Variants in ZSWIM3 observed in about 807,000 individuals in gnomAD.
ZSWIM3 encodes zinc finger SWIM-type containing 3, also known as zinc finger SWIM domain-containing protein 3.
Under a neutral mutation model 47.5 loss-of-function variants are expected in ZSWIM3, and 27 were observed. The ratio of observed to expected loss-of-function variants is 0.57; its 90% CI spans 0.42 to 0.78. The LOEUF is 0.78. Ranked by LOEUF, ZSWIM3 falls within the 30% of genes least tolerant of loss-of-function variation. The probability of loss-of-function intolerance (pLI) is 0.00; values close to 1 mark genes in which losing one functional copy is unlikely to be tolerated. For synonymous variants in ZSWIM3, 333 were observed against 333.9 expected (o/e 1.00, Z 0.03); for missense variants, 689 against 861.3 (o/e 0.80, Z 2.50).
chr20:45,859,597 T>C (rs1250152322), intron 1 of ZSWIM3, among the ~76,000 whole-genome samples: 1 of 151,782 alleles, frequency 6.6e-6, no homozygotes, highest in Non-Finnish European at 1.5e-5. Context: ...TGACCAGAAG[T>C]TGCTGTGCAG....
chr20:45,866,681 G>T (rs1985850182), intron 1 of ZSWIM3, among the ~76,000 whole-genome samples: 1 of 151,594 alleles, frequency 6.6e-6, no homozygotes, highest in African/African-American at 2.4e-5. Flanking sequence ...ATGTTCTTGT[G>T]GTCCCAGCTA....
chr20:45,867,595 C>T (rs951680749), intron 1 of ZSWIM3, among the ~76,000 whole-genome samples: 11 of 152,120 alleles, frequency 7.2e-5, no homozygotes, highest in African/African-American at 1.7e-4. Context: ...TCTTAAATTC[C>T]GGCTATGTGG....
At chr20:45,874,503 C>A (rs1181364767) in intron 1 of ZSWIM3, among the ~76,000 whole-genome samples, 1 of 152,128 alleles carries the variant, frequency 6.6e-6, no homozygotes, top group Non-Finnish European at 1.5e-5. Context: ...CAGAGTGAGA[C>A]TTTAATTTCA....
At chr20:45,861,494 G>A (rs964821457) in intron 1 of ZSWIM3, among the ~76,000 whole-genome samples, 33 of 152,194 alleles carry the variant, frequency 2.2e-4, no homozygotes, top group African/African-American at 7.7e-4. Flanking sequence ...GAGGAGACCT[G>A]CTTAGCTAGA....
Position 45,857,862 on chromosome 20 carries a change from T to C in ZSWIM3, c.37T>C (p.Phe13Leu). The change falls in exon 1 of 2, where the codon TTC becomes CTC. Residue 13 changes from phenylalanine to leucine, a missense_variant. Physicochemically the swap from Phe to Leu is conservative, Grantham distance 22 (BLOSUM62 0). Transcript: ENST00000255152. Reference protein sequence around the residue: ...LGSCFKTYEDFKECFSAYKRE... With the variant: ...LGSCFKTYEDLKECFSAYKRE... The stretch of plus-strand genomic sequence containing the variant: ...CAGCTGCTTCAAGACCTATGAGGAC[T>C]TCAAGGAGTGCTTCAGCGCCTACAA... 1 of 1,614,142 alleles carries C rather than the reference T, an allele frequency of 6.2e-7. No individual in the cohort carries two copies. Among genetic ancestry groups the C allele is most frequent in the Non-Finnish European group, 8.5e-7 (1 of 1,180,002 alleles).
intron 1 of ZSWIM3, among the ~76,000 whole-genome samples, chr20:45,859,816 A>AAAAAAAAAAAAAAAAC (rs146830909): frequency 3.1e-5 from 4 of 129,304 alleles, no homozygotes; most frequent in Admixed American, 9.0e-5. Flanking sequence ...AAAAAAAAAA[A>AAAAAAAAAAAAAAAAC]CCACAGTTGC....
rs143983594 is a variant in ZSWIM3 at position 45,867,001 on chromosome 20, A to ATTTTTT, written c.155+9021_155+9022insTTTTTT. Among the ~76,000 whole-genome samples the ATTTTTT allele has an allele frequency of 5.6e-4, 73 of 131,224 alleles. 4 individuals carry two copies. Among genetic ancestry groups the ATTTTTT allele is most frequent in the African/African-American group, 1.5e-3 (55 of 36,694 alleles). The allele number at this position is 131,224 out of a possible 152,430, so 86.1% of individuals were successfully genotyped here. On this transcript the variant is annotated intron_variant, in intron 1 of 1. Coordinates refer to ENST00000255152, the MANE Select transcript of ZSWIM3 (RefSeq NM_080752.4). The stretch of plus-strand genomic sequence containing the variant: ...AAAAATAAAATCAGATCAAGTTAGA[A>ATTTTTT]ATTTTTTTTTTTTTTTTTTTTTGAG...
chr20:45,878,234 T>C lies in ZSWIM3; in HGVS notation c.1676T>C (p.Leu559Pro). The change falls in exon 2 of 2, where the codon CTG becomes CCG. Residue 559 changes from leucine to proline, a missense_variant. Transcript: ENST00000255152. Reference sequence around the variant, plus strand: ...TGTTCCTTTCAACAATGGTACCACCTGCCATGCCGACACATTTTGGCTCTG... The same window carrying C: ...TGTTCCTTTCAACAATGGTACCACCCGCCATGCCGACACATTTTGGCTCTG... ...CSCSFQQWYHLPCRHILALLH... is the reference protein window; with the variant it reads ...CSCSFQQWYHPPCRHILALLH... The C allele has an allele frequency of 6.2e-7, 1 of 1,614,220 alleles. No homozygotes were observed. The highest frequency in any genetic ancestry group is 1.1e-5 in the South Asian group (1 of 91,084).
intron 1 of ZSWIM3, among the ~76,000 whole-genome samples, chr20:45,869,049 G>A (rs571912420): frequency 1.1e-4 from 16 of 151,932 alleles, no homozygotes; most frequent in African/African-American, 2.7e-4. Context: ...TGATCCACCC[G>A]CCTCGGCCTC....
chr20:45,878,824 T>C lies in ZSWIM3; in HGVS notation c.*175T>C. 2.3e-6 allele frequency: 2 copies of C among 863,918 alleles called. No homozygotes were observed. The highest frequency in any genetic ancestry group is 3.4e-5 in the African/African-American group (2 of 58,958). The allele number at this position is 863,918 out of a possible 1,614,324, so 53.5% of individuals were successfully genotyped here. A position where few individuals can be genotyped will look rare whatever the true frequency, so the allele number is the denominator to read the frequency against. On this transcript the variant is annotated 3_prime_UTR_variant, in exon 2 of 2. Coordinates refer to ENST00000255152, the MANE Select transcript of ZSWIM3 (RefSeq NM_080752.4). ...CCACTGTGTGACAGTCCTTTCAATC[T>C]GCCCCTTTTCAGCCCTACTTTTGGC...
chr20:45,862,482 TTTATTTAC>T (rs1444865667), intron 1 of ZSWIM3, among the ~76,000 whole-genome samples: 2 of 149,646 alleles, frequency 1.3e-5, no homozygotes, highest in African/African-American at 2.5e-5. Flanking sequence ...TTCATTTTTA[TTTATTTAC>T]TTACTTACTT....
chr20:45,871,801 C>T (rs1484939666), intron 1 of ZSWIM3, among the ~76,000 whole-genome samples: 1 of 147,852 alleles, frequency 6.8e-6, no homozygotes, highest in Non-Finnish European at 1.5e-5. Flanking sequence ...GCAGAGGTTG[C>T]AGTGAGTCAA....
chr20:45,872,794 A>G lies in ZSWIM3; in HGVS notation c.156-3920A>G, dbSNP rs751570850. The G allele has an allele frequency of 8.5e-6, 11 of 1,289,180 alleles. No individual in the cohort carries two copies. In the South Asian group the frequency reaches 9.9e-5, roughly 12 times the overall value. 79.9% of individuals were successfully genotyped at this position (1,289,180 alleles called of 1,614,324 possible). A position where few individuals can be genotyped will look rare whatever the true frequency, so the allele number is the denominator to read the frequency against. On this transcript the variant is annotated intron_variant, in intron 1 of 1. Coordinates refer to ENST00000255152, the MANE Select transcript of ZSWIM3 (RefSeq NM_080752.4). The stretch of plus-strand genomic sequence containing the variant: ...AGCCCTTCCTGGCCCAGAGCTAGAG[A>G]TGGCACCACCCCCGCACTGTGCACA...
chr20:45,873,695 G>A (rs1986027469), intron 1 of ZSWIM3, among the ~76,000 whole-genome samples: 1 of 152,186 alleles, frequency 6.6e-6, no homozygotes, highest in Non-Finnish European at 1.5e-5. Flanking sequence ...ATACAGAGAG[G>A]TGATTGACTT....
At chr20:45,858,088 C>T in intron 1 of ZSWIM3, 108 bp downstream of exon 1, 1 of 1,226,332 alleles carries the variant, frequency 8.2e-7, no homozygotes, top group East Asian at 2.5e-5. Context: ...GGCTGCGTGG[C>T]CATTCATTCA....
Position 45,877,928 on chromosome 20 carries a change from T to C in ZSWIM3, c.1370T>C (p.Phe457Ser). Reference sequence around the variant, plus strand: ...ATGCCACTGAAGTCCAAGAAGGCTTTTGGAATCTGTGGAGAGAGCCTTACC... The same window carrying C: ...ATGCCACTGAAGTCCAAGAAGGCTTCTGGAATCTGTGGAGAGAGCCTTACC... The part of the protein sequence containing the change: ...ASMPLKSKKA[F>S]GICGESLTSL... Residue 457 changes from phenylalanine (F) to serine (S), a missense_variant, in exon 2 of 2, where the codon TTT becomes TCT. Coordinates refer to ENST00000255152, the MANE Select transcript of ZSWIM3 (RefSeq NM_080752.4). 1 of 1,614,124 alleles carries C rather than the reference T, an allele frequency of 6.2e-7. No homozygotes were observed. Among genetic ancestry groups the C allele is most frequent in the Non-Finnish European group, 8.5e-7 (1 of 1,180,030 alleles).
At chr20:45,860,533 AAAG>A (rs1383872342) in intron 1 of ZSWIM3, among the ~76,000 whole-genome samples, 89 of 130,526 alleles carry the variant, frequency 6.8e-4, no homozygotes, top group Middle Eastern at 4.0e-3. Context: ...AAAAAAAAAA[AAAG>A]AATCCTTTTC....
At chr20:45,876,572 C>G (rs1004205659) in intron 1 of ZSWIM3, 142 bp from the exon 2 acceptor site, 11 of 1,006,658 alleles carry the variant, frequency 1.1e-5, no homozygotes, top group Non-Finnish European at 1.6e-5. Context: ...CTCCTGGGCT[C>G]AAGTGATCCT....
chr20:45,872,906 AG>A (rs1159695790), intron 1 of ZSWIM3: 17 of 1,175,086 alleles, frequency 1.4e-5, no homozygotes, highest in Non-Finnish European at 1.7e-5. Flanking sequence ...CTTGCCCCAC[AG>A]GGTGAGCAAA....
Sources: allele counts gnomAD v4.1 joint callset (sites outside exome capture counted in the v4.1 genomes callset), GRCh38; gene constraint gnomAD v4.1.1; transcripts MANE v1.5; gene names NCBI Gene and HGNC (gene_info 2026-07-23, HGNC 2026-07-21).